VPS50: variants seen among roughly 807,000 people sequenced by gnomAD.
The protein encoded by VPS50 is syndetin.
VPS50 carries 70 observed loss-of-function variants against 139.7 expected under a neutral mutation model. The observed-to-expected ratio is 0.50, with a 90% CI of 0.41 to 0.61. The LOEUF (loss-of-function observed/expected upper bound fraction) is 0.61. VPS50 is among the 20% of genes least tolerant of loss of function. VPS50 has a pLI of 0.00. For missense variants in VPS50, 921 were observed against 1,133.7 expected (o/e 0.81, Z 2.69); for synonymous variants, 365 against 376.7 (o/e 0.97, Z 0.36).
chr7:93,358,230 C>T lies in VPS50; in HGVS notation c.2776-87C>T, dbSNP rs902116099. ...TATAATGCTCAGTAACTATCCACTG[C>T]ACCTGAATATCCGCCTGTTCTTTTG... On this transcript the variant is annotated intron_variant, in intron 27 of 27. Transcript: ENST00000305866. 15 of 1,204,798 alleles carry T rather than the reference C, an allele frequency of 1.2e-5. No homozygotes were observed. In the African/African-American group the frequency reaches 1.4e-4, roughly 11 times the overall value. The allele number at this position is 1,204,798 out of a possible 1,614,324, so 74.6% of individuals were successfully genotyped here.
At chr7:93,323,791 A>C (rs953442472) in intron 21 of VPS50, 59 bp downstream of exon 21, 1 of 900,586 alleles carries the variant, frequency 1.1e-6, no homozygotes, top group Non-Finnish European at 1.6e-6. Flanking sequence ...TATAAATGTC[A>C]AAGTTTTTCA....
At position 93,256,561 on chromosome 7, in the gene VPS50, A is replaced by G. The variant is rs776001519; in HGVS notation, c.350A>G (p.Lys117Arg). The G allele has an allele frequency of 6.9e-7, 1 of 1,446,752 alleles. No homozygotes were observed. Among genetic ancestry groups the G allele is most frequent in the Non-Finnish European group, 9.3e-7 (1 of 1,070,520 alleles). The allele number at this position is 1,446,752 out of a possible 1,614,324, so 89.6% of individuals were successfully genotyped here. The stretch of plus-strand genomic sequence containing the variant: ...CTTGAAAAACAGCCTGCTTATGTAA[A>G]GGTAGGATAATATTTGTTATTTTTT... ...LILEKQPAYV[K>R]ELERVTSLQT... The change falls in exon 5 of 28, where the codon AAG (lysine) becomes AGG (arginine). Residue 117 changes from lysine (K) to arginine (R), a missense_variant and splice_region_variant. Coordinates refer to ENST00000305866, the MANE Select transcript of VPS50 (RefSeq NM_017667.4).
At chr7:93,341,635 C>G in intron 23 of VPS50, 60 bp downstream of exon 23, 1 of 1,209,802 alleles carries the variant, frequency 8.3e-7, no homozygotes. Flanking sequence ...ATAAAAGAAG[C>G]ATTGTTTAAT....
At chr7:93,252,207 T>C (rs1795355955) in intron 2 of VPS50, among the ~76,000 whole-genome samples, 1 of 152,168 alleles carries the variant, frequency 6.6e-6, no homozygotes, top group African/African-American at 2.4e-5. Context: ...TTAGCAGGGT[T>C]GATGTCTTCT....
rs1047597098 is a variant in VPS50, at chr7:93,355,806, A to T, written c.2586-85A>T. The T allele has an allele frequency of 3.1e-5, 21 of 680,566 alleles. 2 individuals carry two copies. The South Asian group carries it at 5.5e-4, about 18-fold the overall frequency. 42.2% of individuals were successfully genotyped at this position (680,566 alleles called of 1,614,324 possible). A position where few individuals can be genotyped will look rare whatever the true frequency, so the allele number is the denominator to read the frequency against. ...ATTTCTGGGGAATCTGTCCAAATAT[A>T]GGTTAGAGAAAACTTCAAATACCTG... On this transcript the variant is annotated intron_variant, in intron 26 of 27. Transcript: ENST00000305866.
intron 20 of VPS50, among the ~76,000 whole-genome samples, chr7:93,322,587 G>A (rs986480719): frequency 1.0e-4 from 12 of 119,494 alleles, no homozygotes; most frequent in Admixed American, 3.3e-4. Flanking sequence ...GCGACAGAGC[G>A]AGACTCCGTC....
At chr7:93,272,403 G>A (rs1796035910) in intron 10 of VPS50, among the ~76,000 whole-genome samples, 1 of 151,784 alleles carries the variant, frequency 6.6e-6, no homozygotes, top group African/African-American at 2.4e-5. Context: ...TGGGTTTTAA[G>A]GCATAGAAAT....
chr7:93,296,707 G>T (rs2116950776), intron 14 of VPS50, 35 bp from the exon 15 acceptor site: 1 of 1,590,758 alleles, frequency 6.3e-7, no homozygotes, highest in South Asian at 1.1e-5. Context: ...TCTATATTTT[G>T]GGTTTGCTTG....
chr7:93,239,139 C>T (rs1323449750), intron 1 of VPS50, among the ~76,000 whole-genome samples: 9 of 152,140 alleles, frequency 5.9e-5, no homozygotes, highest in African/African-American at 2.2e-4. Flanking sequence ...TTAATAATAG[C>T]TAATTTTGCC....
At chr7:93,320,383 C>G (rs1797572880) in intron 20 of VPS50, 1 of 141,418 alleles carries the variant, frequency 7.1e-6, no homozygotes, top group Non-Finnish European at 1.5e-5. Flanking sequence ...TAGACGGAGT[C>G]TCACTCTGTT....
Position 93,334,060 on chromosome 7 carries a change from A to G in VPS50, c.1978-57A>G. On this transcript the variant is annotated intron_variant, in intron 21 of 27. Transcript: ENST00000305866. ...ATCAAATATCTTGGTTAATTTGAAGATGTAACATTTGCAAGATGATCTTTA... is the reference window on the plus strand; with the variant it reads ...ATCAAATATCTTGGTTAATTTGAAGGTGTAACATTTGCAAGATGATCTTTA... 3 of 934,482 alleles carry G rather than the reference A, an allele frequency of 3.2e-6. No homozygotes were observed. In the South Asian group the frequency reaches 4.1e-5, roughly 13 times the overall value. 57.9% of individuals were successfully genotyped at this position (934,482 alleles called of 1,614,324 possible).
At chr7:93,333,920 A>T (rs986325795) in intron 21 of VPS50, 197 bp from the exon 22 acceptor site, 3 of 519,788 alleles carry the variant, frequency 5.8e-6, no homozygotes, top group Non-Finnish European at 1.0e-5. Flanking sequence ...CTATAAATGC[A>T]CACAGGTAAA....
chr7:93,274,730 C>T (rs573798181), intron 11 of VPS50, among the ~76,000 whole-genome samples: 6 of 152,218 alleles, frequency 3.9e-5, no homozygotes, highest in African/African-American at 1.4e-4. Flanking sequence ...TTTTATAAGG[C>T]TATAGGTACC....
Position 93,311,188 on chromosome 7 carries a change from A to G in VPS50, c.1771A>G (p.Ser591Gly). 1 of 1,342,820 alleles carries G rather than the reference A, an allele frequency of 7.4e-7. No individual in the cohort carries two copies. Among genetic ancestry groups the G allele is most frequent in the South Asian group, 1.2e-5 (1 of 85,570 alleles). 83.2% of individuals were successfully genotyped at this position (1,342,820 alleles called of 1,614,324 possible). The change falls in exon 20 of 28, where the codon AGC becomes GGC. Residue 591 changes from serine to glycine, a missense_variant. Transcript: ENST00000305866. ...VKSVSRETLK[S>G]RKKSDYSLNK... ...AAGTGTTTCTCGGGAAACTCTAAAA[A>G]GCAGGAAGAAATCAGATTACAGTCT...
At chr7:93,236,112 G>T (rs868092669) in intron 1 of VPS50, among the ~76,000 whole-genome samples, 1 of 152,200 alleles carries the variant, frequency 6.6e-6, no homozygotes, top group African/African-American at 2.4e-5. Context: ...GAACAACCAA[G>T]AAGACTGCCT....
intron 13 of VPS50, among the ~76,000 whole-genome samples, chr7:93,292,508 T>C (rs1043120698): frequency 3.3e-5 from 5 of 152,156 alleles, no homozygotes; most frequent in African/African-American, 1.2e-4. Flanking sequence ...AGAATACTTA[T>C]AAAAACAGTA....
chr7:93,321,152 T>C (rs1178692113), intron 20 of VPS50: 37 of 152,246 alleles, frequency 2.4e-4, no homozygotes, highest in Admixed American at 2.4e-3. Context: ...AGCAGAATTG[T>C]TGCCACAGAG....
chr7:93,357,646 T>G (rs1798743635), intron 27 of VPS50, among the ~76,000 whole-genome samples: 1 of 152,184 alleles, frequency 6.6e-6, no homozygotes, highest in East Asian at 1.9e-4. Flanking sequence ...TACACAGCTG[T>G]CTTTCCCTAT....
At chr7:93,317,279 G>A (rs1797455679) in intron 20 of VPS50, among the ~76,000 whole-genome samples, 1 of 152,206 alleles carries the variant, frequency 6.6e-6, no homozygotes, top group Admixed American at 6.5e-5. Context: ...GCCAGGTTTG[G>A]TGGCTCATAC....
Sources: allele counts gnomAD v4.1 joint callset (sites outside exome capture counted in the v4.1 genomes callset), GRCh38; gene constraint gnomAD v4.1.1; transcripts MANE v1.5; gene names NCBI Gene and HGNC (gene_info 2026-07-23, HGNC 2026-07-21).